Variants in TG observed in about 807,000 individuals in gnomAD.
TG encodes the protein thyroglobulin, also known as thyroid hormones.
TG carries 270 observed loss-of-function variants against 324.7 expected under a neutral mutation model. That is an observed-to-expected ratio of 0.83 (90% CI 0.75 to 0.92). The LOEUF is 0.92. Ranked by LOEUF, TG falls within the 40% of genes least tolerant of loss-of-function variation. The pLI, the probability that TG is intolerant of heterozygous loss-of-function variation, is 0.00. For synonymous variants in TG, 1,401 were observed against 1,327.0 expected, an observed-to-expected ratio of 1.06 and a Z score of -1.21; for missense variants, 3,591 against 3,456.4, an observed-to-expected ratio of 1.04 and a Z score of -0.98.
At chr8:133,024,342 CTT>C (rs1564084215) in intron 40 of TG, among the ~76,000 whole-genome samples, 1 of 118,466 alleles carries the variant, frequency 8.4e-6, no homozygotes, top group African/African-American at 3.7e-5. Flanking sequence ...TTCTTTCTTT[CTT>C]TCTTTCTTTC....
chr8:132,971,665 C>A, intron 32 of TG, 129 bp from the exon 33 acceptor site: 3 of 720,762 alleles, frequency 4.2e-6, no homozygotes, highest in Non-Finnish European at 7.6e-6. Flanking sequence ...CCAAAGCACC[C>A]CCAGTTTAAG....
chr8:133,120,448 T>C (rs1851053205), intron 45 of TG, among the ~76,000 whole-genome samples: 1 of 152,180 alleles, frequency 6.6e-6, no homozygotes, highest in African/African-American at 2.4e-5. Flanking sequence ...TAGAAATGTA[T>C]TGTCTCAAGT....
At chr8:132,975,528 AAACTT>A (rs1166578522) in intron 34 of TG, among the ~76,000 whole-genome samples, 1 of 152,198 alleles carries the variant, frequency 6.6e-6, no homozygotes, top group Non-Finnish European at 1.5e-5. Context: ...TTTTGACCAG[AAACTT>A]AGAGCAGGGA....
At chr8:132,964,221 C>T (rs1828200159) in intron 29 of TG, among the ~76,000 whole-genome samples, 1 of 152,042 alleles carries the variant, frequency 6.6e-6, no homozygotes, top group Non-Finnish European at 1.5e-5. Context: ...GCAGCATCTG[C>T]AAAACTCTCA....
intron 35 of TG, among the ~76,000 whole-genome samples, chr8:132,987,737 C>T (rs200725286): frequency 9.5e-4 from 95 of 100,356 alleles, no homozygotes; most frequent in Middle Eastern, 0.013. Context: ...TGTGTGTGTG[C>T]GTGTGTGTGT....
intron 41 of TG, among the ~76,000 whole-genome samples, chr8:133,048,387 CT>C (rs1360897452): frequency 3.3e-5 from 5 of 152,034 alleles, no homozygotes; most frequent in Non-Finnish European, 7.4e-5. Context: ...CGTCTGGCAA[CT>C]TTTTGTGTTT....
At chr8:133,058,333 G>T (rs762790358) in intron 41 of TG, among the ~76,000 whole-genome samples, 4 of 152,210 alleles carry the variant, frequency 2.6e-5, no homozygotes, top group African/African-American at 7.2e-5. Context: ...TCTTCACCAG[G>T]GGGTGGAGGG....
In TG at chr8:132,923,484, C is replaced by T; in HGVS notation, c.4675C>T (p.Pro1559Ser). 6.2e-7 allele frequency: 1 copy of T among 1,613,928 alleles called. No homozygotes were observed. The highest frequency in any genetic ancestry group is 8.5e-7 in the Non-Finnish European group (1 of 1,179,968). The change falls in exon 22 of 48, where the codon CCT becomes TCT. Residue 1559 changes from proline to serine, a missense_variant. Coordinates refer to ENST00000220616, the MANE Select transcript of TG (RefSeq NM_003235.5). The part of the protein sequence containing the change: ...RRLPWWETEA[P>S]LEDSQCLMMQ... ...GCTGCCATGGTGGGAAACAGAGGCC[C>T]CTCTTGAGGACTCACAGTGTTTGAG...
chr8:133,040,073 G>T, intron 41 of TG: 1 of 1,557,882 alleles, frequency 6.4e-7, no homozygotes, highest in Non-Finnish European at 8.7e-7. Context: ...TGCTGGGGCA[G>T]CCGTGCTTTG....
intron 27 of TG, among the ~76,000 whole-genome samples, chr8:132,954,808 G>A (rs1826610053): frequency 6.6e-6 from 1 of 152,196 alleles, no homozygotes; most frequent in Non-Finnish European, 1.5e-5. Flanking sequence ...ACTTCCTCAA[G>A]GTTATTCAGC....
Position 133,019,766 on chromosome 8 carries a change from G to A in TG, c.6876+71G>A, listed in dbSNP as rs1460984045. On this transcript the variant is annotated intron_variant, in intron 39 of 47. Coordinates refer to ENST00000220616, the MANE Select transcript of TG (RefSeq NM_003235.5). The stretch of plus-strand genomic sequence containing the variant: ...TTAGAAATCCACTGTCCCCACTGTG[G>A]CCAGCACAGTTCAGTCTCCTCCTCT... 4 of 1,346,294 alleles carry A rather than the reference G, an allele frequency of 3.0e-6. No individual in the cohort carries two copies. The African/African-American group carries it at 4.3e-5, about 15-fold the overall frequency. 83.4% of individuals were successfully genotyped at this position (1,346,294 alleles called of 1,614,324 possible). A position where few individuals can be genotyped will look rare whatever the true frequency, so the allele number is the denominator to read the frequency against.
intron 27 of TG, among the ~76,000 whole-genome samples, chr8:132,950,735 G>T (rs1394242144): frequency 6.6e-6 from 1 of 152,196 alleles, no homozygotes; most frequent in African/African-American, 2.4e-5. Context: ...AGGCCTAATT[G>T]CCTGTCTATA....
intron 35 of TG, among the ~76,000 whole-genome samples, chr8:133,011,401 A>AG (rs60470735): frequency 0.23 from 34,739 of 151,824 alleles, 4,295 homozygotes; most frequent in African/African-American, 0.3. Context: ...TTGGTCCTGC[A>AG]GGGGGGTCTC....
At chr8:133,065,897 C>G (rs988470391) in intron 41 of TG, among the ~76,000 whole-genome samples, 8 of 152,126 alleles carry the variant, frequency 5.3e-5, no homozygotes, top group African/African-American at 1.9e-4. Flanking sequence ...TTGGATGTCA[C>G]TTGGCAGTGT....
chr8:132,919,427 C>T lies in TG; in HGVS notation c.4430C>T (p.Pro1477Leu), dbSNP rs1215599058. ...CAAGATGAGGAATGCATTCCTTGTC[C>T]TGTTGGATTCTACCAAGAACAGGCA... ...YSQDEECIPCPVGFYQEQAGS... is the reference protein window; with the variant it reads ...YSQDEECIPCLVGFYQEQAGS... Residue 1477 changes from proline to leucine, a missense_variant, in exon 21 of 48, where the codon CCT (proline) becomes CTT (leucine). By Grantham distance (98) the Pro-to-Leu change is moderately conservative. Coordinates refer to ENST00000220616, the MANE Select transcript of TG (RefSeq NM_003235.5). 2 of 1,614,102 alleles carry T rather than the reference C, an allele frequency of 1.2e-6. No homozygotes were observed. The highest frequency in any genetic ancestry group is 8.5e-7 in the Non-Finnish European group (1 of 1,180,022).
chr8:133,078,798 A>G (rs1178984355), intron 41 of TG, among the ~76,000 whole-genome samples: 2 of 152,238 alleles, frequency 1.3e-5, no homozygotes, highest in Non-Finnish European at 2.9e-5. Context: ...TCGTGTATGT[A>G]TAACCTATAT....
chr8:132,883,924 C>T (rs967487014), intron 8 of TG, among the ~76,000 whole-genome samples: 3 of 152,262 alleles, frequency 2.0e-5, no homozygotes, highest in South Asian at 2.1e-4. Flanking sequence ...TCAGCGGGGC[C>T]GTGCTCCCTC....
intron 41 of TG, among the ~76,000 whole-genome samples, chr8:133,044,378 C>T (rs1272830424): frequency 6.6e-6 from 1 of 152,078 alleles, no homozygotes; most frequent in Non-Finnish European, 1.5e-5. Flanking sequence ...AGAATTCAGA[C>T]CTCTCTCCTG....
chr8:132,901,175 G>C (rs1394340144), intron 15 of TG, among the ~76,000 whole-genome samples, 178 bp from the exon 16 acceptor site: 1 of 152,268 alleles, frequency 6.6e-6, no homozygotes, highest in East Asian at 1.9e-4. Context: ...AGCTGAGCCA[G>C]GTCCAGTGTT....
Sources: gnomAD v4.1 joint callset for allele counts (sites outside exome capture counted in the v4.1 genomes callset) on GRCh38, gnomAD v4.1.1 for gene constraint, MANE v1.5 for transcripts, NCBI Gene and HGNC (gene_info 2026-07-23, HGNC 2026-07-21) for gene names.